The following FAM193B variants were observed in gnomAD, a reference collection of about 807,000 sequenced individuals.
FAM193B encodes family with sequence similarity 193 member B, also known as protein FAM193B.
FAM193B carries 27 observed loss-of-function variants against 70.7 expected under a neutral mutation model. That is an observed-to-expected ratio of 0.38 (90% CI 0.28 to 0.53). The LOEUF (loss-of-function observed/expected upper bound fraction) is 0.53, where lower values mean the gene tolerates loss of function less well. Ranked by LOEUF, FAM193B falls within the 20% of genes least tolerant of loss-of-function variation. The pLI, the probability that FAM193B is intolerant of heterozygous loss-of-function variation, is 0.81. For synonymous variants in FAM193B, 448 were observed against 436.0 expected (o/e 1.03, Z -0.34); for missense variants, 1,022 against 1,072.5 (o/e 0.95, Z 0.66).
chr5:177,546,497 A>G (rs771636187), intron 1 of FAM193B, among the ~76,000 whole-genome samples: 1 of 152,278 alleles, frequency 6.6e-6, no homozygotes, highest in Admixed American at 6.5e-5. Flanking sequence ...ACACAAAGGC[A>G]GAATTTAAAA....
rs758025385 is a variant in FAM193B at position 177,524,082 on chromosome 5, G to T, written c.2297-50C>A. ...TCAGTGCCCATGGCCAGGCCTTTGG[G>T]GTTATGCTCTGGGGGCAGCGCTGTC... On this transcript the variant is annotated intron_variant, in intron 6 of 8. Coordinates refer to ENST00000514747, the MANE Select transcript of FAM193B (RefSeq NM_001190946.3). The T allele has an allele frequency of 6.2e-6, 10 of 1,613,288 alleles. No individual in the cohort carries two copies. The Admixed American group carries it at 1.7e-4, about 27-fold the overall frequency.
chr5:177,554,257 C>T lies in FAM193B; in HGVS notation c.202G>A (p.Gly68Ser), dbSNP rs1220839202. The T allele has an allele frequency of 4.1e-6, 6 of 1,476,754 alleles. No homozygotes were observed. In the Admixed American group the frequency reaches 1.3e-4, roughly 33 times the overall value. 91.5% of individuals were successfully genotyped at this position (1,476,754 alleles called of 1,614,324 possible). A position where few individuals can be genotyped will look rare whatever the true frequency, so the allele number is the denominator to read the frequency against. The change falls in exon 1 of 9, where the codon GGC (glycine) becomes AGC (serine). Residue 68 changes from glycine to serine, a missense_variant. Coordinates refer to ENST00000514747, the MANE Select transcript of FAM193B (RefSeq NM_001190946.3). Reference sequence around the variant, plus strand: ...TCCCCGCTCGCTCCTACCTGCGGGCCGGGCACCAGGTTGGGTTCGTCATCC... The same window carrying T: ...TCCCCGCTCGCTCCTACCTGCGGGCTGGGCACCAGGTTGGGTTCGTCATCC... ...REDDEPNLVPGPQVPPASSQP... is the reference protein window; with the variant it reads ...REDDEPNLVPSPQVPPASSQP...
intron 1 of FAM193B, among the ~76,000 whole-genome samples, chr5:177,541,582 C>A (rs28488728): frequency 6.6e-6 from 1 of 152,136 alleles, no homozygotes; most frequent in Non-Finnish European, 1.5e-5. Context: ...CCACGCCCGG[C>A]TAATTTTTTT....
At chr5:177,534,656 G>A in intron 4 of FAM193B, among the ~76,000 whole-genome samples, 1 of 152,048 alleles carries the variant, frequency 6.6e-6, no homozygotes, top group East Asian at 1.9e-4. Context: ...TGTTGCCTAG[G>A]CTAGAGTTCA....
chr5:177,527,306 A>C (rs1003864445), intron 5 of FAM193B, among the ~76,000 whole-genome samples: 1 of 152,084 alleles, frequency 6.6e-6, no homozygotes, highest in Non-Finnish European at 1.5e-5. Context: ...CTGAGAGATA[A>C]AGCTGGCAGG....
chr5:177,523,850 G>T, intron 7 of FAM193B, 107 bp downstream of exon 7: 1 of 1,303,930 alleles, frequency 7.7e-7, no homozygotes, highest in Non-Finnish European at 1.1e-6. Flanking sequence ...CAAGGGGTCA[G>T]GGCCAAGGGA....
At position 177,539,138 on chromosome 5, in the gene FAM193B, C is replaced by T. The variant is rs759621484; in HGVS notation, c.220G>A (p.Ala74Thr). The change falls in exon 2 of 9, where the codon GCC becomes ACC. Residue 74 changes from alanine (A) to threonine (T), a missense_variant. By Grantham distance (58) the Ala-to-Thr change is moderately conservative. Coordinates refer to ENST00000514747, the MANE Select transcript of FAM193B (RefSeq NM_001190946.3). ...NLVPGPQVPP[A>T]SSQPVQTCCL... ...CAAGTCTGCACAGGCTGGCTGGAGG[C>T]GGGGGGGACCTGTCCAACAGACAGA... 38 of 1,568,374 alleles carry T rather than the reference C, an allele frequency of 2.4e-5. No homozygotes were observed. The highest frequency in any genetic ancestry group is 5.6e-5 in the Admixed American group (3 of 53,256).
chr5:177,554,063 G>A, intron 1 of FAM193B, 186 bp downstream of exon 1: 5 of 1,353,182 alleles, frequency 3.7e-6, no homozygotes, highest in Non-Finnish European at 4.8e-6. Context: ...ACCGAGCCTC[G>A]GCTTTGGGGA....
Position 177,531,275 on chromosome 5 carries a change from C to A in FAM193B, c.1275+1168G>T, listed in dbSNP as rs368473114. 3.3e-5 allele frequency: 43 copies of A among 1,300,116 alleles called. No homozygotes were observed. In the African/African-American group the frequency reaches 6.2e-4, roughly 19 times the overall value. The allele number at this position is 1,300,116 out of a possible 1,614,324, so 80.5% of individuals were successfully genotyped here. On this transcript the variant is annotated intron_variant, in intron 5 of 8. Transcript: ENST00000514747. The stretch of plus-strand genomic sequence containing the variant: ...AGACGGCAGAGCTGGGCTCTCCCTA[C>A]ACCCACCTTCTTTTTCAGCTTGTGC...
chr5:177,542,032 C>T (rs1290554673), intron 1 of FAM193B, among the ~76,000 whole-genome samples: 1 of 152,166 alleles, frequency 6.6e-6, no homozygotes, highest in Non-Finnish European at 1.5e-5. Flanking sequence ...ATTTTCTATC[C>T]ACAATTGGTT....
chr5:177,531,029 G>A (rs1763363275), intron 5 of FAM193B, among the ~76,000 whole-genome samples: 1 of 152,234 alleles, frequency 6.6e-6, no homozygotes, highest in African/African-American at 2.4e-5. Context: ...ATAAATGACT[G>A]ACTGAAGCAA....
intron 1 of FAM193B, chr5:177,554,022 G>C: frequency 1.5e-6 from 2 of 1,330,332 alleles, no homozygotes; most frequent in South Asian, 3.2e-5. Context: ...GGGGAGAGGG[G>C]AGCAGCTTCA....
chr5:177,554,491 GC>G lies in FAM193B; in HGVS notation c.-34del. The G allele has an allele frequency of 1.5e-6, 1 of 654,690 alleles. No homozygotes were observed. The highest frequency in any genetic ancestry group is 1.8e-6 in the Non-Finnish European group (1 of 550,950). The allele number at this position is 654,690 out of a possible 1,614,324, so 40.6% of individuals were successfully genotyped here. On this transcript the variant is annotated 5_prime_UTR_variant, in exon 1 of 9. Transcript: ENST00000514747. Reference sequence around the variant, plus strand: ...CTCGCGCCGCTCCCTCGCTCCACACGCCGCCGCCGCCGCCGCCGCCGCCGCC... The same window carrying G: ...CTCGCGCCGCTCCCTCGCTCCACACGCGCCGCCGCCGCCGCCGCCGCCGCC...
chr5:177,544,335 C>T (rs970403074), intron 1 of FAM193B, among the ~76,000 whole-genome samples: 1 of 152,186 alleles, frequency 6.6e-6, no homozygotes, highest in Non-Finnish European at 1.5e-5. Context: ...GCCTGAGAAG[C>T]ATTAAGTTAG....
chr5:177,532,175 C>G lies in FAM193B; in HGVS notation c.1275+268G>C. Reference sequence around the variant, plus strand: ...ACATACTCATCAGAATCATAGCTTTCTCTCTGCCATTTCCTTTCCTTTTGC... The same window carrying G: ...ACATACTCATCAGAATCATAGCTTTGTCTCTGCCATTTCCTTTCCTTTTGC... On this transcript the variant is annotated intron_variant, in intron 5 of 8. Transcript: ENST00000514747. This position sits in a 1 kb window ranked among gnomAD's most constrained non-coding sequence, Gnocchi z 4.9. 6.8e-7 allele frequency: 1 copy of G among 1,472,002 alleles called. No individual in the cohort carries two copies. The highest frequency in any genetic ancestry group is 1.2e-5 in the South Asian group (1 of 82,120). The allele number at this position is 1,472,002 out of a possible 1,614,324, so 91.2% of individuals were successfully genotyped here.
chr5:177,531,493 T>A, intron 5 of FAM193B: 1 of 1,344,570 alleles, frequency 7.4e-7, no homozygotes, highest in African/African-American at 1.5e-5. Flanking sequence ...GATCTCGGTA[T>A]AGTTCCGACT....
chr5:177,528,978 GGTGAGTGA>G (rs1255032799), intron 5 of FAM193B, among the ~76,000 whole-genome samples: 1 of 152,092 alleles, frequency 6.6e-6, no homozygotes, highest in Admixed American at 6.5e-5. Flanking sequence ...ATTGAGTACT[GGTGAGTGA>G]GTGAGTGAGT....
chr5:177,524,307 G>T lies in FAM193B; in HGVS notation c.2174C>A (p.Ala725Glu). The stretch of plus-strand genomic sequence containing the variant: ...CACAGACTCCTGCTCCTGAGGCCGT[G>T]CCTTGGCCTCGCCTGGCCAGTTTCG... Reference protein sequence around the residue: ...SWRNWPGEAKARPQEQESVQP... With the variant: ...SWRNWPGEAKERPQEQESVQP... Residue 725 changes from alanine to glutamate, a missense_variant, in exon 6 of 9, where the codon GCA becomes GAA. Physicochemically the swap from Ala to Glu is moderately radical, Grantham distance 107. Transcript: ENST00000514747. The T allele has an allele frequency of 6.3e-7, 1 of 1,585,740 alleles. No individual in the cohort carries two copies. The highest frequency in any genetic ancestry group is 8.6e-7 in the Non-Finnish European group (1 of 1,165,822).
intron 8 of FAM193B, 23 bp downstream of exon 8, chr5:177,521,950 AT>A: frequency 1.3e-6 from 2 of 1,583,906 alleles, no homozygotes; most frequent in South Asian, 2.2e-5. Context: ...GAGGCAGTGG[AT>A]GTAACTCTTG....
Sources: allele counts gnomAD v4.1 joint callset (sites outside exome capture counted in the v4.1 genomes callset), GRCh38; gene constraint gnomAD v4.1.1; non-coding constraint Gnocchi (gnomAD v3.1); transcripts MANE v1.5; gene names NCBI Gene and HGNC (gene_info 2026-07-23, HGNC 2026-07-21).